Variants in ST6GALNAC3 observed in about 807,000 individuals in gnomAD.
ST6GALNAC3 encodes ST6 N-acetylgalactosaminide alpha-2,6-sialyltransferase 3.
Under a neutral mutation model 32.7 loss-of-function variants are expected in ST6GALNAC3, and 25 were observed. The observed-to-expected ratio is 0.76, with a 90% CI of 0.56 to 1.07. The LOEUF (loss-of-function observed/expected upper bound fraction) is 1.07. Among genes scored for constraint, ST6GALNAC3 ranks in the 50% least tolerant of loss-of-function variants. The pLI is 0.00. For missense variants in ST6GALNAC3, 355 were observed against 382.4 expected (o/e 0.93, Z 0.60); for synonymous variants, 129 against 133.1 (o/e 0.97, Z 0.21).
At chr1:76,172,383 A>T (rs1388748886) in intron 1 of ST6GALNAC3, among the ~76,000 whole-genome samples, 1 of 152,230 alleles carries the variant, frequency 6.6e-6, no homozygotes, top group Non-Finnish European at 1.5e-5. Flanking sequence ...ACAATATCAT[A>T]TTGAATGGGC....
At chr1:76,177,398 A>T (rs1440420676) in intron 1 of ST6GALNAC3, among the ~76,000 whole-genome samples, 3 of 152,178 alleles carry the variant, frequency 2.0e-5, no homozygotes, top group African/African-American at 2.4e-5. Context: ...TTTCTCCAAA[A>T]TGTACAGAAA....
intron 3 of ST6GALNAC3, among the ~76,000 whole-genome samples, chr1:76,502,987 A>G (rs74089972): frequency 0.04 from 6,136 of 152,278 alleles, 403 homozygotes; most frequent in African/African-American, 0.14. Context: ...ACAGATTTTC[A>G]GCTAAAACAT....
intron 3 of ST6GALNAC3, among the ~76,000 whole-genome samples, chr1:76,441,088 CA>C (rs397980569): frequency 0.14 from 12,878 of 89,926 alleles, 374 homozygotes; most frequent in East Asian, 0.19. Flanking sequence ...ACTATGTCTC[CA>C]AAAAAAAAAA....
chr1:76,548,829 A>G (rs1007586659), intron 3 of ST6GALNAC3, among the ~76,000 whole-genome samples: 1 of 152,012 alleles, frequency 6.6e-6, no homozygotes, highest in Non-Finnish European at 1.5e-5. Context: ...TCTTCATGGC[A>G]TTTACCATGA....
In ST6GALNAC3 at chr1:76,509,851, G is replaced by A. The variant is rs1417318846; in HGVS notation, c.623+97434G>A. On this transcript the variant is annotated intron_variant, in intron 3 of 4. Coordinates refer to ENST00000328299, the MANE Select transcript of ST6GALNAC3 (RefSeq NM_152996.4). This position sits in a 1 kb window ranked among gnomAD's most constrained non-coding sequence, Gnocchi z 5.5. ...TTAAGGACCCCCATGGTTACATTGG[G>A]CCAGAATAATCCTTCAAATTCAAGA... Among the ~76,000 whole-genome samples, 1 of 152,068 alleles carries A rather than the reference G, an allele frequency of 6.6e-6. No homozygotes were observed. The highest frequency in any genetic ancestry group is 1.5e-5 in the Non-Finnish European group (1 of 68,020).
rs1262328926 is a variant in ST6GALNAC3, at chr1:76,628,800, G to A, written c.912G>A (p.Leu304=). ...TATTTACACATCCAAACTGGACATT[G>A]TCTTGATAATGGTTTTCCTGATCTT... is the stretch of plus-strand genomic sequence containing the variant. ...RIIFTHPNWT[L]S The change falls in exon 5 of 5, where the codon TTG becomes TTA. Residue 304 remains leucine (L), a synonymous_variant. Transcript: ENST00000328299. The A allele has an allele frequency of 5.6e-6, 9 of 1,610,312 alleles. No individual in the cohort carries two copies. Among genetic ancestry groups the A allele is most frequent in the South Asian group, 1.1e-5 (1 of 90,660 alleles).
At chr1:76,212,676 C>T (rs1370293964) in intron 1 of ST6GALNAC3, among the ~76,000 whole-genome samples, 1 of 151,924 alleles carries the variant, frequency 6.6e-6, no homozygotes, top group East Asian at 1.9e-4. Flanking sequence ...TTTTTCCCCG[C>T]TAGAAAAGAG....
At chr1:76,531,474 T>G (rs1663251365) in intron 3 of ST6GALNAC3, among the ~76,000 whole-genome samples, 1 of 152,172 alleles carries the variant, frequency 6.6e-6, no homozygotes, top group Non-Finnish European at 1.5e-5. Flanking sequence ...TAACATGGGA[T>G]TGGACTGCCT....
intron 2 of ST6GALNAC3, among the ~76,000 whole-genome samples, chr1:76,346,207 G>A (rs562344086): frequency 3.3e-5 from 5 of 152,126 alleles, no homozygotes; most frequent in Non-Finnish European, 5.9e-5. Context: ...CTTACGCCTC[G>A]AAGGTGGATA....
intron 3 of ST6GALNAC3, among the ~76,000 whole-genome samples, chr1:76,482,139 T>TACACACACACAC (rs368648490): frequency 0.025 from 3,715 of 147,104 alleles, 79 homozygotes; most frequent in Admixed American, 0.063. Context: ...AAATTTTCTT[T>TACACACACACAC]ACACACACAC....
intron 2 of ST6GALNAC3, among the ~76,000 whole-genome samples, chr1:76,351,244 A>C (rs1169360799): frequency 1.3e-5 from 2 of 152,210 alleles, no homozygotes. Context: ...GGAACAAATT[A>C]TGTAGCATAG....
At chr1:76,277,528 GTATATATATATATATA>G (rs370795804) in intron 1 of ST6GALNAC3, among the ~76,000 whole-genome samples, 44 of 84,592 alleles carry the variant, frequency 5.2e-4, no homozygotes, top group African/African-American at 1.5e-3. Flanking sequence ...ATGTTTATGT[GTATATATATATATATA>G]TATATATATA....
At chr1:76,477,935 G>A (rs1659461042) in intron 3 of ST6GALNAC3, among the ~76,000 whole-genome samples, 1 of 152,126 alleles carries the variant, frequency 6.6e-6, no homozygotes, top group Non-Finnish European at 1.5e-5. Context: ...CTTTTGCTCA[G>A]TATTGTGAAA....
At chr1:76,498,436 C>T (rs942978703) in intron 3 of ST6GALNAC3, among the ~76,000 whole-genome samples, 1 of 152,136 alleles carries the variant, frequency 6.6e-6, no homozygotes, top group Admixed American at 6.6e-5. Flanking sequence ...GAGGGTCATT[C>T]AGGTGACCTG....
chr1:76,256,471 AG>A (rs1461559740), intron 1 of ST6GALNAC3, among the ~76,000 whole-genome samples: 1 of 152,156 alleles, frequency 6.6e-6, no homozygotes, highest in Non-Finnish European at 1.5e-5. Flanking sequence ...CCAACAGGGT[AG>A]GTGTATTTTG....
chr1:76,479,215 C>A (rs1181370849), intron 3 of ST6GALNAC3, among the ~76,000 whole-genome samples: 1 of 152,106 alleles, frequency 6.6e-6, no homozygotes, highest in Admixed American at 6.6e-5. Context: ...CAGTAAGTAA[C>A]TTGTGGAAGG....
At chr1:76,075,937 C>G (rs1646810165) in intron 1 of ST6GALNAC3, among the ~76,000 whole-genome samples, 1 of 152,164 alleles carries the variant, frequency 6.6e-6, no homozygotes, top group African/African-American at 2.4e-5. Context: ...AAGTCATCTA[C>G]TGTGTTCTGG....
chr1:76,337,858 G>A (rs929793734), intron 2 of ST6GALNAC3, among the ~76,000 whole-genome samples: 5 of 152,066 alleles, frequency 3.3e-5, no homozygotes, highest in Admixed American at 6.6e-5. Context: ...GGTCTGTGGC[G>A]ATACTAACTT....
chr1:76,456,451 A>G (rs1045902852), intron 3 of ST6GALNAC3, among the ~76,000 whole-genome samples: 1 of 152,014 alleles, frequency 6.6e-6, no homozygotes, highest in Non-Finnish European at 1.5e-5. Flanking sequence ...GGTTCAAGCA[A>G]TTCTGCCTCA....
Sources: gnomAD v4.1 joint callset for allele counts (sites outside exome capture counted in the v4.1 genomes callset) on GRCh38, gnomAD v4.1.1 for gene constraint, Gnocchi (gnomAD v3.1) non-coding constraint, MANE v1.5 for transcripts, NCBI Gene and HGNC (gene_info 2026-07-23, HGNC 2026-07-21) for gene names.